Variants in ZNF516 observed in about 807,000 individuals in gnomAD.
ZNF516 encodes the protein zinc finger protein 516.
ZNF516 carries 19 observed loss-of-function variants against 79.7 expected under a neutral mutation model. That is an observed-to-expected ratio of 0.24 (90% CI 0.17 to 0.35). The LOEUF (loss-of-function observed/expected upper bound fraction) is 0.35. Among genes scored for constraint, ZNF516 ranks in the 10% least tolerant of loss-of-function variants. The pLI, the probability that ZNF516 is intolerant of heterozygous loss-of-function variation, is 1.00. For synonymous variants in ZNF516, 877 were observed against 739.5 expected, an observed-to-expected ratio of 1.19 and a Z score of -3.02; for missense variants, 1,678 against 1,679.5, an observed-to-expected ratio of 1.00 and a Z score of 0.02.
At chr18:76,420,336 A>G (rs2145369387) in intron 3 of ZNF516, among the ~76,000 whole-genome samples, 1 of 152,170 alleles carries the variant, frequency 6.6e-6, no homozygotes, top group Admixed American at 6.5e-5. Context: ...TCTGGCCCAA[A>G]ATCTGCTCTC....
intron 1 of ZNF516, among the ~76,000 whole-genome samples, chr18:76,470,820 C>G (rs1041293662): frequency 1.6e-4 from 24 of 152,176 alleles, no homozygotes; most frequent in Non-Finnish European, 3.4e-4. Flanking sequence ...CAAGACCATC[C>G]TGGCTAACAC....
intron 3 of ZNF516, among the ~76,000 whole-genome samples, chr18:76,401,728 C>A (rs1159091924): frequency 6.6e-6 from 1 of 151,152 alleles, no homozygotes; most frequent in Non-Finnish European, 1.5e-5. Context: ...AACCACACCC[C>A]CGCGCCGCAT....
At chr18:76,407,376 G>A (rs2066303258) in intron 3 of ZNF516, among the ~76,000 whole-genome samples, 1 of 152,232 alleles carries the variant, frequency 6.6e-6, no homozygotes, top group African/African-American at 2.4e-5. Context: ...AGTGAGCCAA[G>A]ATCGTGCCAC....
rs150835374 is a variant in ZNF516, at chr18:76,382,839, A to T, written c.1811-2536T>A. 3.0e-4 allele frequency among the ~76,000 whole-genome samples: 46 copies of T among 152,230 alleles called. No homozygotes were observed. In the East Asian group the frequency reaches 8.5e-3, roughly 28 times the overall value. Reference sequence around the variant, plus strand: ...GGAGAGCGGATCATTTGGGATCAGGAGTTTGAGGACAGCCTGGCCAACATG... The same window carrying T: ...GGAGAGCGGATCATTTGGGATCAGGTGTTTGAGGACAGCCTGGCCAACATG... On this transcript the variant is annotated intron_variant, in intron 3 of 6. Coordinates refer to ENST00000443185, the MANE Select transcript of ZNF516 (RefSeq NM_014643.4).
rs151291450 is a variant in ZNF516, at chr18:76,424,157, G to GA, written c.1810+17087dup. Among the ~76,000 whole-genome samples, 563 of 82,276 alleles carry GA rather than the reference G, an allele frequency of 6.8e-3. 89 individuals are homozygous for GA. Among genetic ancestry groups the GA allele is most frequent in the African/African-American group, 0.027 (543 of 19,898 alleles). 54.0% of individuals were successfully genotyped at this position (82,276 alleles called of 152,430 possible). Reference sequence around the variant, plus strand: ...TTTCCCCCATGAAACACACGCAGGTGAAAAGGTTACCCCATGAAACACATG... The same window carrying GA: ...TTTCCCCCATGAAACACACGCAGGTGAAAAAGGTTACCCCATGAAACACATG... On this transcript the variant is annotated intron_variant, in intron 3 of 6. Coordinates refer to ENST00000443185, the MANE Select transcript of ZNF516 (RefSeq NM_014643.4).
At chr18:76,481,573 T>C (rs1011990285) in intron 1 of ZNF516, among the ~76,000 whole-genome samples, 1 of 152,212 alleles carries the variant, frequency 6.6e-6, no homozygotes, top group African/African-American at 2.4e-5. Context: ...TGTGGGACTT[T>C]GATGAAGTTA....
intron 1 of ZNF516, among the ~76,000 whole-genome samples, chr18:76,486,063 G>T (rs1040741803): frequency 6.6e-6 from 1 of 151,992 alleles, no homozygotes; most frequent in Non-Finnish European, 1.5e-5. Flanking sequence ...TTATATTCAA[G>T]TCTGTGTTTT....
intron 1 of ZNF516, among the ~76,000 whole-genome samples, chr18:76,483,178 G>A (rs1914625473): frequency 6.6e-6 from 1 of 152,184 alleles, no homozygotes. Context: ...CTTTGCTGGA[G>A]AAGGCAGGCG....
chr18:76,480,816 C>T (rs1305559364), intron 1 of ZNF516, among the ~76,000 whole-genome samples: 1 of 152,066 alleles, frequency 6.6e-6, no homozygotes, highest in Admixed American at 6.5e-5. Flanking sequence ...GCCACCGCAC[C>T]CGGCTGGTTT....
chr18:76,444,670 A>G (rs1385521497), intron 2 of ZNF516, among the ~76,000 whole-genome samples: 1 of 152,192 alleles, frequency 6.6e-6, no homozygotes, highest in African/African-American at 2.4e-5. Context: ...AAGAATACTG[A>G]TAATAGACCT....
chr18:76,369,021 T>G (rs778698249), intron 6 of ZNF516, among the ~76,000 whole-genome samples: 7 of 152,150 alleles, frequency 4.6e-5, no homozygotes, highest in African/African-American at 1.7e-4. Flanking sequence ...CTTTGGTGGG[T>G]TGAACGGGTC....
Position 76,379,238 on chromosome 18 carries a change from C to T in ZNF516, c.2876G>A (p.Gly959Glu). 1 of 1,612,688 alleles carries T rather than the reference C, an allele frequency of 6.2e-7. No individual in the cohort carries two copies. The highest frequency in any genetic ancestry group is 8.5e-7 in the Non-Finnish European group (1 of 1,179,686). Residue 959 changes from glycine to glutamate, a missense_variant, in exon 4 of 7, where the codon GGG becomes GAG. By Grantham distance (98) the Gly-to-Glu change is moderately conservative (BLOSUM62 -2). Coordinates refer to ENST00000443185, the MANE Select transcript of ZNF516 (RefSeq NM_014643.4). The stretch of plus-strand genomic sequence containing the variant: ...CTTATTTGTGGGGGCAAAGCCAGCC[C>T]CCGCTGGGGGGACCCCAAACTTCTC... ...PVEKFGVPPA[G>E]AGFAPTNKHS...
At chr18:76,431,539 C>T (rs926123072) in intron 3 of ZNF516, among the ~76,000 whole-genome samples, 2 of 152,210 alleles carry the variant, frequency 1.3e-5, no homozygotes, top group African/African-American at 4.8e-5. Flanking sequence ...ATGTTGCGAC[C>T]GATTCCCTTT....
intron 2 of ZNF516, among the ~76,000 whole-genome samples, chr18:76,458,509 G>A (rs1599122052): frequency 6.6e-6 from 1 of 152,342 alleles, no homozygotes; most frequent in South Asian, 2.1e-4. Context: ...GTTTCGGGGG[G>A]CATTTTCTAG....
chr18:76,476,111 G>T (rs187639608), intron 1 of ZNF516, among the ~76,000 whole-genome samples: 3 of 152,292 alleles, frequency 2.0e-5, no homozygotes, highest in African/African-American at 4.8e-5. Flanking sequence ...TATCTGAAAA[G>T]AAATGGTTTA....
At chr18:76,421,304 G>A (rs2075503751) in intron 3 of ZNF516, among the ~76,000 whole-genome samples, 1 of 152,180 alleles carries the variant, frequency 6.6e-6, no homozygotes, top group African/African-American at 2.4e-5. Flanking sequence ...GGCAGCTGAG[G>A]CTCCGAGGCT....
chr18:76,440,402 G>A (rs1433618819), intron 3 of ZNF516, among the ~76,000 whole-genome samples: 7 of 152,196 alleles, frequency 4.6e-5, no homozygotes, highest in South Asian at 2.1e-4. Context: ...AGTCAGTAAC[G>A]GCGTTGCAGA....
At chr18:76,405,773 G>GAGCCACACCGTCACACTC (rs2075296480) in intron 3 of ZNF516, among the ~76,000 whole-genome samples, 1 of 152,066 alleles carries the variant, frequency 6.6e-6, no homozygotes, top group Non-Finnish European at 1.5e-5. Flanking sequence ...CCGAGACACA[G>GAGCCACACCGTCACACTC]AGCCACACCG....
chr18:76,486,298 T>C (rs926830930), intron 1 of ZNF516, among the ~76,000 whole-genome samples: 1 of 152,170 alleles, frequency 6.6e-6, no homozygotes, highest in Non-Finnish European at 1.5e-5. Context: ...CCAAACACAG[T>C]GTCTTGTCAG....
Sources: allele counts gnomAD v4.1 joint callset (sites outside exome capture counted in the v4.1 genomes callset), GRCh38; gene constraint gnomAD v4.1.1; transcripts MANE v1.5; gene names NCBI Gene and HGNC (gene_info 2026-07-23, HGNC 2026-07-21).